Variants in DOCK10 observed in about 807,000 individuals in gnomAD.
DOCK10 encodes the protein dedicator of cytokinesis protein 10.
Under a neutral mutation model 280.1 loss-of-function variants are expected in DOCK10, and 145 were observed. That is an observed-to-expected ratio of 0.52 (90% CI 0.45 to 0.59). The LOEUF (loss-of-function observed/expected upper bound fraction) is 0.59. Among genes scored for constraint, DOCK10 ranks in the 20% least tolerant of loss-of-function variants. The pLI, the probability that DOCK10 is intolerant of heterozygous loss-of-function variation, is 0.00. For synonymous variants in DOCK10, 915 were observed against 942.2 expected, an observed-to-expected ratio of 0.97 and a Z score of 0.53; for missense variants, 2,368 against 2,651.7, an observed-to-expected ratio of 0.89 and a Z score of 2.35.
At chr2:224,829,207 G>C (rs1478546695) in intron 27 of DOCK10, among the ~76,000 whole-genome samples, 4 of 152,222 alleles carry the variant, frequency 2.6e-5, no homozygotes, top group Non-Finnish European at 5.9e-5. Flanking sequence ...TGCCCTGATA[G>C]AGTGGGGACT....
intron 1 of DOCK10, among the ~76,000 whole-genome samples, chr2:224,988,114 TCTCTTCC>T (rs1369927975): frequency 1.3e-5 from 2 of 152,144 alleles, no homozygotes; most frequent in Non-Finnish European, 2.9e-5. Flanking sequence ...AGAGGCTTGG[TCTCTTCC>T]CTCTCAGCTT....
chr2:224,780,003 G>C (rs532987264), intron 50 of DOCK10, among the ~76,000 whole-genome samples: 1 of 152,286 alleles, frequency 6.6e-6, no homozygotes, highest in East Asian at 1.9e-4. Context: ...TGTTGAACAA[G>C]CAGATGAATG....
intron 1 of DOCK10, among the ~76,000 whole-genome samples, chr2:224,998,899 AT>A (rs1196399989): frequency 2.6e-5 from 4 of 152,134 alleles, no homozygotes; most frequent in Non-Finnish European, 4.4e-5. Context: ...TTAAAATTTC[AT>A]TTATAGCCGG....
intron 1 of DOCK10, among the ~76,000 whole-genome samples, chr2:224,947,549 C>A (rs532178271): frequency 6.6e-6 from 1 of 152,248 alleles, no homozygotes; most frequent in East Asian, 1.9e-4. Context: ...AGAAATTATG[C>A]TTGACTATTA....
intron 3 of DOCK10, among the ~76,000 whole-genome samples, chr2:224,914,964 T>A (rs577247132): frequency 2.1e-4 from 32 of 152,280 alleles, no homozygotes; most frequent in African/African-American, 7.5e-4. Flanking sequence ...TAAGAATTAA[T>A]TCATTAAGTA....
At chr2:224,916,383 A>G (rs1054798511) in intron 3 of DOCK10, among the ~76,000 whole-genome samples, 1 of 152,142 alleles carries the variant, frequency 6.6e-6, no homozygotes, top group East Asian at 1.9e-4. Context: ...TCTACTAAAA[A>G]TACAAAAATT....
rs758265957 is a variant in DOCK10 at position 224,853,109 on chromosome 2, C to T, written c.1902G>A (p.Ser634=). The change falls in exon 17 of 56, where the codon TCG becomes TCA. Residue 634 remains serine (S), a synonymous_variant. Transcript: ENST00000258390. ...VPLEHPNCVT[S]SFIPVKPFNM... ...TGAAAGGCTTGACAGGGATAAAGGA[C>T]GATGTTACACAATCTTAAAAAATCA... 9 of 1,570,996 alleles carry T rather than the reference C, an allele frequency of 5.7e-6. No individual in the cohort carries two copies. Among genetic ancestry groups the T allele is most frequent in the African/African-American group, 4.1e-5 (3 of 73,252 alleles).
chr2:224,907,026 T>C (rs1479410880), intron 3 of DOCK10, among the ~76,000 whole-genome samples: 3 of 152,128 alleles, frequency 2.0e-5, no homozygotes, highest in Admixed American at 2.0e-4. Context: ...GGACAAGAAA[T>C]TTCTATGTAA....
At chr2:224,782,771 G>T (rs1165406819) in intron 50 of DOCK10, among the ~76,000 whole-genome samples, 1 of 152,172 alleles carries the variant, frequency 6.6e-6, no homozygotes, top group Non-Finnish European at 1.5e-5. Context: ...AGGCCTTTGT[G>T]CAGGCAAAGA....
chr2:224,979,151 C>T (rs1458366773), intron 1 of DOCK10, among the ~76,000 whole-genome samples: 4 of 152,208 alleles, frequency 2.6e-5, no homozygotes, highest in Non-Finnish European at 5.9e-5. Context: ...TACTTCCCTG[C>T]TTCAGGACCT....
Position 224,770,204 on chromosome 2 carries a change from C to T in DOCK10, c.6444+7G>A, listed in dbSNP as rs201932678. On this transcript the variant is annotated splice_region_variant and intron_variant, in intron 55 of 55. Coordinates refer to ENST00000258390, the MANE Select transcript of DOCK10 (RefSeq NM_014689.3). This position sits in a 1 kb window ranked among gnomAD's most constrained non-coding sequence, Gnocchi z 4.5. ...CTGATAGCGCGTGTGCACCAAGGAG[C>T]GCTCACCTGCTCATTCATGACTGTG... The T allele has an allele frequency of 2.4e-5, 38 of 1,552,806 alleles. No homozygotes were observed. Among genetic ancestry groups the T allele is most frequent in the East Asian group, 4.6e-5 (2 of 43,674 alleles).
chr2:224,862,808 AT>A, intron 13 of DOCK10, 62 bp from the exon 14 acceptor site: 1 of 945,890 alleles, frequency 1.1e-6, no homozygotes, highest in Non-Finnish European at 1.5e-6. Context: ...TACATATAAA[AT>A]AATACTAAAT....
At position 224,897,006 on chromosome 2, in the gene DOCK10, C is replaced by T. The variant is rs571634261; in HGVS notation, c.334-629G>A. ...CCAGATATGCTGCTAACCTCAAGAA[C>T]CATCATTTTTCAGCTTCCTTTGGCA... On this transcript the variant is annotated intron_variant, in intron 3 of 55. Coordinates refer to ENST00000258390, the MANE Select transcript of DOCK10 (RefSeq NM_014689.3). 2.6e-5 allele frequency among the ~76,000 whole-genome samples: 4 copies of T among 152,286 alleles called. No homozygotes were observed. The East Asian group carries it at 7.7e-4, about 29-fold the overall frequency.
chr2:224,894,349 T>C (rs1699864935), intron 4 of DOCK10, among the ~76,000 whole-genome samples: 2 of 152,174 alleles, frequency 1.3e-5, no homozygotes, highest in Admixed American at 1.3e-4. Flanking sequence ...AGATGAACAG[T>C]GTTTGGGGAT....
intron 1 of DOCK10, among the ~76,000 whole-genome samples, chr2:225,023,064 T>A (rs1471361536): frequency 6.6e-6 from 1 of 152,168 alleles, no homozygotes; most frequent in Non-Finnish European, 1.5e-5. Context: ...AGACGGAGTT[T>A]CGCTCTTGTT....
intron 3 of DOCK10, among the ~76,000 whole-genome samples, chr2:224,905,717 T>C (rs1180801978): frequency 2.0e-5 from 3 of 152,176 alleles, no homozygotes; most frequent in African/African-American, 7.2e-5. Flanking sequence ...TTTATGCCAT[T>C]GATGCACTTT....
At chr2:224,869,767 G>A (rs1483447264) in intron 11 of DOCK10, among the ~76,000 whole-genome samples, 1 of 152,100 alleles carries the variant, frequency 6.6e-6, no homozygotes, top group Non-Finnish European at 1.5e-5. Context: ...GGGGAGATTG[G>A]CCCAAATACA....
At chr2:224,875,944 A>C (rs1574977011) in intron 8 of DOCK10, 94 bp downstream of exon 8, 1 of 1,290,178 alleles carries the variant, frequency 7.8e-7, no homozygotes, top group Non-Finnish European at 1.1e-6. Context: ...GATGAGCTAG[A>C]CCAGACAGCA....
chr2:224,945,737 C>T (rs1002212452), intron 1 of DOCK10, among the ~76,000 whole-genome samples: 1 of 151,938 alleles, frequency 6.6e-6, no homozygotes, highest in Admixed American at 6.6e-5. Flanking sequence ...AAAGATGTTT[C>T]TATGAACAAA....
Sources: allele counts gnomAD v4.1 joint callset (sites outside exome capture counted in the v4.1 genomes callset), GRCh38; gene constraint gnomAD v4.1.1; non-coding constraint Gnocchi (gnomAD v3.1); transcripts MANE v1.5; gene names NCBI Gene and HGNC (gene_info 2026-07-23, HGNC 2026-07-21).